SUPT3H: variants seen among roughly 807,000 people sequenced by gnomAD.
The protein encoded by SUPT3H is SPT3 homolog, SAGA and STAGA complex component, also known as transcription initiation protein SPT3 homolog.
Under a neutral mutation model 44.3 loss-of-function variants are expected in SUPT3H, and 44 were observed. The ratio of observed to expected loss-of-function variants is 0.99; its 90% CI spans 0.78 to 1.28. The LOEUF (loss-of-function observed/expected upper bound fraction) is 1.28. SUPT3H is among the 50% of genes most tolerant of loss of function. The pLI is 0.00. For synonymous variants in SUPT3H, 124 were observed against 125.6 expected (o/e 0.99, Z 0.09); for missense variants, 380 against 387.1 (o/e 0.98, Z 0.15).
intron 3 of SUPT3H, among the ~76,000 whole-genome samples, chr6:45,022,095 G>A (rs1176699437): frequency 6.6e-6 from 1 of 151,966 alleles, no homozygotes; most frequent in African/African-American, 2.4e-5. Context: ...CAGGCAATCA[G>A]TGTTGAGAAG....
chr6:45,322,804 T>C lies in SUPT3H; in HGVS notation c.101+42397A>G, dbSNP rs1053069217. Reference sequence around the variant, plus strand: ...GCTGTGTGTGGTCTCGCCCATATATTTTGGCAAGATGCACTTTCTCCAACC... The same window carrying C: ...GCTGTGTGTGGTCTCGCCCATATATCTTGGCAAGATGCACTTTCTCCAACC... On this transcript the variant is annotated intron_variant, in intron 2 of 10. Transcript: ENST00000371459. The C allele has an allele frequency of 5.5e-6, 6 of 1,097,328 alleles. No individual in the cohort carries two copies. The Admixed American group carries it at 1.0e-4, about 19-fold the overall frequency. 68.0% of individuals were successfully genotyped at this position (1,097,328 alleles called of 1,614,324 possible). A position where few individuals can be genotyped will look rare whatever the true frequency, so the allele number is the denominator to read the frequency against.
At chr6:45,297,916 C>A in intron 2 of SUPT3H, among the ~76,000 whole-genome samples, 1 of 151,990 alleles carries the variant, frequency 6.6e-6, no homozygotes, top group Admixed American at 6.6e-5. Context: ...CTCACAATAT[C>A]CATAAAAAGA....
intron 3 of SUPT3H, among the ~76,000 whole-genome samples, chr6:45,068,859 T>C (rs544676425): frequency 1.3e-5 from 2 of 152,208 alleles, no homozygotes; most frequent in East Asian, 3.9e-4. Flanking sequence ...GAACACAGTA[T>C]GAATTACTAA....
At chr6:45,071,665 G>C (rs144791248) in intron 3 of SUPT3H, among the ~76,000 whole-genome samples, 5 of 152,234 alleles carry the variant, frequency 3.3e-5, no homozygotes, top group East Asian at 3.9e-4. Flanking sequence ...TTTGGGACTA[G>C]AGTCCTACTG....
At chr6:45,190,204 C>T (rs570821894) in intron 2 of SUPT3H, among the ~76,000 whole-genome samples, 1 of 151,780 alleles carries the variant, frequency 6.6e-6, no homozygotes, top group African/African-American at 2.4e-5. Context: ...AAATATTTCC[C>T]AAAAAATGGG....
chr6:45,248,913 C>CAAA (rs61451412), intron 2 of SUPT3H, among the ~76,000 whole-genome samples: 1 of 115,312 alleles, frequency 8.7e-6, no homozygotes, highest in Non-Finnish European at 1.8e-5. Context: ...GACTCCATCT[C>CAAA]AAAAAAAAAA....
intron 2 of SUPT3H, among the ~76,000 whole-genome samples, chr6:45,236,141 C>CTT: frequency 1.3e-5 from 2 of 151,960 alleles, no homozygotes; most frequent in Admixed American, 1.3e-4. Flanking sequence ...CTGTGAGTCC[C>CTT]GATTTCCCAC....
intron 10 of SUPT3H, among the ~76,000 whole-genome samples, chr6:44,923,240 T>C (rs1582519659): frequency 6.6e-6 from 1 of 152,104 alleles, no homozygotes; most frequent in Admixed American, 6.5e-5. Flanking sequence ...TACAGAGGGA[T>C]GATTAAGACT....
intron 10 of SUPT3H, among the ~76,000 whole-genome samples, chr6:44,904,257 T>C (rs951720014): frequency 3.9e-5 from 6 of 152,198 alleles, no homozygotes; most frequent in Non-Finnish European, 7.3e-5. Context: ...CATGATTGTA[T>C]ATCTAGAAAA....
chr6:44,834,971 C>A (rs2153412764), intron 10 of SUPT3H, among the ~76,000 whole-genome samples: 1 of 152,138 alleles, frequency 6.6e-6, no homozygotes, highest in Non-Finnish European at 1.5e-5. Flanking sequence ...TTGAGTTCTA[C>A]CTTGGGCTTT....
chr6:45,328,883 A>G (rs756652104), intron 2 of SUPT3H: 10 of 1,200,814 alleles, frequency 8.3e-6, no homozygotes, highest in Non-Finnish European at 1.2e-5. Flanking sequence ...ATAGCATATT[A>G]AAGATCCTAA....
intron 2 of SUPT3H, among the ~76,000 whole-genome samples, chr6:45,292,635 G>A (rs989462983): frequency 2.0e-5 from 3 of 151,034 alleles, no homozygotes; most frequent in African/African-American, 7.3e-5. Flanking sequence ...CAGAGGGGTG[G>A]AAAAAGACAT....
intron 11 of SUPT3H, among the ~76,000 whole-genome samples, chr6:44,814,867 G>A (rs1766801531): frequency 6.6e-6 from 1 of 152,074 alleles, no homozygotes; most frequent in Admixed American, 6.6e-5. Flanking sequence ...AGTAGAGATG[G>A]GGTTTAGCCA....
At chr6:44,958,489 T>C (rs781103989) in intron 7 of SUPT3H, among the ~76,000 whole-genome samples, 3 of 152,178 alleles carry the variant, frequency 2.0e-5, no homozygotes, top group Non-Finnish European at 4.4e-5. Context: ...TGGTTTTCCC[T>C]GGAAACTTCC....
chr6:44,965,563 G>C (rs1386942766), intron 6 of SUPT3H, among the ~76,000 whole-genome samples: 2 of 150,964 alleles, frequency 1.3e-5, no homozygotes, highest in African/African-American at 4.9e-5. Flanking sequence ...CCTAATTTTT[G>C]TTTATTCCTC....
At chr6:44,844,610 T>A (rs1183588754) in intron 10 of SUPT3H, among the ~76,000 whole-genome samples, 1 of 152,196 alleles carries the variant, frequency 6.6e-6, no homozygotes. Flanking sequence ...TTCAAATGCA[T>A]TATGCTAAAT....
chr6:44,995,028 G>C (rs1196495229), intron 6 of SUPT3H, among the ~76,000 whole-genome samples: 1 of 151,704 alleles, frequency 6.6e-6, no homozygotes, highest in Non-Finnish European at 1.5e-5. Flanking sequence ...TGGTCTGTAT[G>C]ACACTATGTA....
Position 44,984,736 on chromosome 6 carries a change from G to A in SUPT3H, c.504+18917C>T, listed in dbSNP as rs537706488. Among the ~76,000 whole-genome samples the A allele has an allele frequency of 5.9e-4, 90 of 152,198 alleles. No individual in the cohort carries two copies. The Middle Eastern group carries it at 0.01, about 17-fold the overall frequency. ...TATATGTAACTAACTTTTATTACTA[G>A]TAGCACACTTAATTAATATACATGT... is the stretch of plus-strand genomic sequence containing the variant. On this transcript the variant is annotated intron_variant, in intron 6 of 10. Coordinates refer to ENST00000371459, the MANE Select transcript of SUPT3H (RefSeq NM_003599.4).
chr6:45,258,745 A>G (rs1773832686), intron 2 of SUPT3H, among the ~76,000 whole-genome samples: 1 of 152,170 alleles, frequency 6.6e-6, no homozygotes, highest in East Asian at 1.9e-4. Flanking sequence ...GCATTAAGTA[A>G]AAAAATTTAT....
Sources: allele counts gnomAD v4.1 joint callset (sites outside exome capture counted in the v4.1 genomes callset), GRCh38; gene constraint gnomAD v4.1.1; transcripts MANE v1.5; gene names NCBI Gene and HGNC (gene_info 2026-07-23, HGNC 2026-07-21).